Variants in PXDNL observed in about 807,000 individuals in gnomAD.
PXDNL encodes the protein peroxidasin like.
Under a neutral mutation model 150.8 loss-of-function variants are expected in PXDNL, and 145 were observed. The observed-to-expected ratio is 0.96, with a 90% confidence interval of 0.84 to 1.10. The LOEUF (loss-of-function observed/expected upper bound fraction) is 1.10. Ranked by LOEUF, PXDNL falls within the 50% of genes least tolerant of loss-of-function variation. PXDNL has a pLI of 0.00. For missense variants in PXDNL, 2,087 were observed against 1,873.9 expected (o/e 1.11, Z -2.10); for synonymous variants, 757 against 725.7 (o/e 1.04, Z -0.69).
intron 4 of PXDNL, among the ~76,000 whole-genome samples, chr8:51,521,195 T>C (rs1811655549): frequency 1.3e-5 from 2 of 152,128 alleles, no homozygotes; most frequent in African/African-American, 4.8e-5. Context: ...TGTGCTGTGA[T>C]TGCATCACTG....
intron 5 of PXDNL, among the ~76,000 whole-genome samples, chr8:51,498,024 A>G (rs997811966): frequency 6.6e-6 from 1 of 152,072 alleles, no homozygotes; most frequent in African/African-American, 2.4e-5. Flanking sequence ...AAGACTTGGA[A>G]CCAACCCAAA....
At chr8:51,348,131 A>G (rs1399211507) in intron 19 of PXDNL, among the ~76,000 whole-genome samples, 1 of 152,190 alleles carries the variant, frequency 6.6e-6, no homozygotes, top group East Asian at 1.9e-4. Flanking sequence ...TCTCCCCACT[A>G]CAATGCAGCA....
chr8:51,636,257 T>G (rs115824003), intron 2 of PXDNL, among the ~76,000 whole-genome samples: 2,993 of 152,216 alleles, frequency 0.02, 98 homozygotes, highest in African/African-American at 0.069. Flanking sequence ...TACTTAATGG[T>G]GAAAGAAACC....
chr8:51,636,283 A>G (rs7831588), intron 2 of PXDNL, among the ~76,000 whole-genome samples: 59,343 of 152,008 alleles, frequency 0.39, 14,333 homozygotes, highest in African/African-American at 0.69. Flanking sequence ...CCTAAGATCA[A>G]GAACATGACA....
rs1808503590 is a variant in PXDNL at position 51,408,427 on chromosome 8, CG to C, written c.3196del (p.Arg1066AspfsTer2). 2 of 1,613,862 alleles carry C rather than the reference CG, an allele frequency of 1.2e-6. No homozygotes were observed. The highest frequency in any genetic ancestry group is 2.7e-5 in the African/African-American group (2 of 74,936). ...AATTTCACCTAAGGTGGCATTCAGT[CG>C]GTAAAGAATAGGATTGATTAATGTG... ...GHTLINPILYRLNATLGEISE... is the reference protein window; with the variant it reads ...GHTLINPILYXLNATLGEISE... On this transcript the variant is annotated frameshift_variant, in exon 17 of 23. Transcript: ENST00000356297. LOFTEE classifies it high-confidence loss of function.
chr8:51,720,653 A>G (rs889088033), intron 1 of PXDNL, among the ~76,000 whole-genome samples: 1 of 152,266 alleles, frequency 6.6e-6, no homozygotes, highest in African/African-American at 2.4e-5. Context: ...CAAGTTTATC[A>G]GATTAATTTA....
intron 2 of PXDNL, among the ~76,000 whole-genome samples, chr8:51,623,067 T>C (rs918431290): frequency 6.6e-5 from 10 of 152,268 alleles, no homozygotes; most frequent in Non-Finnish European, 1.2e-4. Context: ...AAGGTTTCCA[T>C]ACTTCCTGGT....
rs186257304 is a variant in PXDNL at position 51,633,084 on chromosome 8, G to C, written c.236+21605C>G. Among the ~76,000 whole-genome samples, 7 of 152,018 alleles carry C rather than the reference G, an allele frequency of 4.6e-5. No homozygotes were observed. The East Asian group carries it at 5.8e-4, about 13-fold the overall frequency. On this transcript the variant is annotated intron_variant, in intron 2 of 22. Transcript: ENST00000356297. ...ATTCTAATACCCCCCGTGTCAATTT[G>C]TTCCCATATTTATGTCCATATGTAC...
chr8:51,697,430 T>C (rs554688898), intron 1 of PXDNL, among the ~76,000 whole-genome samples: 3 of 152,210 alleles, frequency 2.0e-5, no homozygotes, highest in East Asian at 3.9e-4. Context: ...CAAGCATATA[T>C]AGTGTGACAG....
intron 6 of PXDNL, among the ~76,000 whole-genome samples, chr8:51,480,998 C>T (rs1585509047): frequency 6.6e-6 from 1 of 152,122 alleles, no homozygotes; most frequent in Non-Finnish European, 1.5e-5. Flanking sequence ...TAAAGATACC[C>T]AAAAATGTGG....
chr8:51,629,283 C>T (rs1404623142), intron 2 of PXDNL, among the ~76,000 whole-genome samples: 1 of 152,108 alleles, frequency 6.6e-6, no homozygotes, highest in African/African-American at 2.4e-5. Context: ...ATGAAAGACT[C>T]ACTAGACAGT....
chr8:51,651,421 A>T (rs1253227343), intron 2 of PXDNL, among the ~76,000 whole-genome samples: 1 of 152,200 alleles, frequency 6.6e-6, no homozygotes, highest in African/African-American at 2.4e-5. Flanking sequence ...GTCAGAGGAA[A>T]TGTTAGTAAA....
intron 2 of PXDNL, among the ~76,000 whole-genome samples, chr8:51,644,351 C>A (rs1293951919): frequency 4.5e-5 from 2 of 44,752 alleles, no homozygotes; most frequent in South Asian, 1.9e-3. Context: ...CACACACACA[C>A]ACACACACAC....
At chr8:51,429,632 T>C (rs1182385777) in intron 12 of PXDNL, among the ~76,000 whole-genome samples, 1 of 151,322 alleles carries the variant, frequency 6.6e-6, no homozygotes, top group East Asian at 1.9e-4. Context: ...TAGTAAAATA[T>C]GTAGCATTTT....
chr8:51,624,533 C>G (rs1814326528), intron 2 of PXDNL, among the ~76,000 whole-genome samples: 1 of 151,646 alleles, frequency 6.6e-6, no homozygotes, highest in Admixed American at 6.6e-5. Flanking sequence ...GCTCTGTTGA[C>G]TAGAAATAAT....
intron 1 of PXDNL, among the ~76,000 whole-genome samples, chr8:51,760,552 T>C (rs908561610): frequency 6.6e-5 from 10 of 152,190 alleles, no homozygotes; most frequent in Admixed American, 6.5e-4. Context: ...TCTAACTCCA[T>C]GTATGTATTG....
At chr8:51,761,247 T>A (rs1585730054) in intron 1 of PXDNL, among the ~76,000 whole-genome samples, 1 of 151,856 alleles carries the variant, frequency 6.6e-6, no homozygotes, top group East Asian at 1.9e-4. Flanking sequence ...AACAGCAGGG[T>A]TCTCCAAAAT....
intron 16 of PXDNL, among the ~76,000 whole-genome samples, chr8:51,410,129 A>C (rs1382236529): frequency 6.6e-6 from 1 of 152,196 alleles, no homozygotes; most frequent in African/African-American, 2.4e-5. Context: ...GGATCATGTG[A>C]ATATTAACCC....
At chr8:51,404,130 T>TG (rs1808362397) in intron 17 of PXDNL, among the ~76,000 whole-genome samples, 1 of 152,172 alleles carries the variant, frequency 6.6e-6, no homozygotes, top group African/African-American at 2.4e-5. Context: ...TGCATACCCT[T>TG]GGGGTGAGTG....
Sources: gnomAD v4.1 joint callset for allele counts (sites outside exome capture counted in the v4.1 genomes callset) on GRCh38, gnomAD v4.1.1 for gene constraint, MANE v1.5 for transcripts, NCBI Gene and HGNC (gene_info 2026-07-23, HGNC 2026-07-21) for gene names.